The following PTBP3 variants were observed in gnomAD, a reference collection of about 807,000 sequenced individuals.
PTBP3 encodes polypyrimidine tract binding protein 3.
PTBP3 carries 20 observed loss-of-function variants against 58.7 expected under a neutral mutation model. The ratio of observed to expected loss-of-function variants is 0.34; its 90% CI spans 0.24 to 0.50. The LOEUF (loss-of-function observed/expected upper bound fraction) is 0.50, where lower values mean the gene tolerates loss of function less well. PTBP3 is among the 20% of genes least tolerant of loss of function. The probability of loss-of-function intolerance (pLI) is 0.98; values close to 1 mark genes in which losing one functional copy is unlikely to be tolerated. For synonymous variants in PTBP3, 185 were observed against 219.8 expected (o/e 0.84, Z 1.40); for missense variants, 509 against 637.2 (o/e 0.80, Z 2.17).
chr9:112,278,349 C>T (rs968851642), intron 2 of PTBP3, among the ~76,000 whole-genome samples: 5 of 152,146 alleles, frequency 3.3e-5, no homozygotes, highest in Non-Finnish European at 7.3e-5. Flanking sequence ...TTGGCACCCT[C>T]CCTGCAGGCA....
intron 3 of PTBP3, among the ~76,000 whole-genome samples, 164 bp downstream of exon 3, chr9:112,275,680 T>C (rs1404996650): frequency 6.6e-6 from 1 of 152,182 alleles, no homozygotes; most frequent in African/African-American, 2.4e-5. Context: ...TACTACTGTT[T>C]GTTGCTTCCT....
intron 3 of PTBP3, among the ~76,000 whole-genome samples, chr9:112,269,187 ACT>A (rs1236998379): frequency 1.7e-5 from 2 of 118,406 alleles, no homozygotes; most frequent in African/African-American, 3.6e-5. Context: ...ACTGAGCGAA[ACT>A]CTGTCTCAAA....
chr9:112,363,554 A>G, the PTBP3 span, among the ~76,000 whole-genome samples: 2 of 120,840 alleles, frequency 1.7e-5, no homozygotes, highest in Non-Finnish European at 3.4e-5. Context: ...ACACACACAC[A>G]CACACAAAGG....
chr9:112,343,212 A>ATTTT, the PTBP3 span, among the ~76,000 whole-genome samples: 2 of 147,880 alleles, frequency 1.4e-5, no homozygotes, highest in Non-Finnish European at 3.0e-5. Context: ...ACTCTGAACA[A>ATTTT]TTTTTTTTTT....
At chr9:112,359,457 A>T in the PTBP3 span, among the ~76,000 whole-genome samples, 1 of 151,886 alleles carries the variant, frequency 6.6e-6, no homozygotes, top group Non-Finnish European at 1.5e-5. Context: ...AAAAGAAAAA[A>T]AAGTTTTAGA....
the PTBP3 span, among the ~76,000 whole-genome samples, chr9:112,349,914 C>T: frequency 6.9e-6 from 1 of 145,174 alleles, no homozygotes; most frequent in Non-Finnish European, 1.5e-5. Flanking sequence ...TACAGGACAC[C>T]CAGTTGGAAA....
chr9:112,357,881 C>G, the PTBP3 span, among the ~76,000 whole-genome samples: 1 of 151,902 alleles, frequency 6.6e-6, no homozygotes, highest in African/African-American at 2.4e-5. Context: ...TTTTGGTTGA[C>G]AAAACTGGAA....
At chr9:112,295,286 A>G (rs1828628139) in intron 2 of PTBP3, among the ~76,000 whole-genome samples, 1 of 152,142 alleles carries the variant, frequency 6.6e-6, no homozygotes, top group South Asian at 2.1e-4. Context: ...GCTCACATGA[A>G]AAGTCTAAAT....
At chr9:112,324,605 G>A (rs533537143) in intron 1 of PTBP3, among the ~76,000 whole-genome samples, 4 of 151,568 alleles carry the variant, frequency 2.6e-5, no homozygotes, top group African/African-American at 9.7e-5. Context: ...AGCCAAGATC[G>A]CACCACTGCA....
chr9:112,376,171 A>ATATATATATATATATATATATATATATG, the PTBP3 span, among the ~76,000 whole-genome samples: 2 of 143,656 alleles, frequency 1.4e-5, no homozygotes, highest in African/African-American at 5.3e-5. Context: ...ATATATATAT[A>ATATATATATATATATATATATATATATG]TATATATCCT....
chr9:112,235,796 G>C (rs550414160), intron 7 of PTBP3, among the ~76,000 whole-genome samples: 1 of 152,248 alleles, frequency 6.6e-6, no homozygotes, highest in Admixed American at 6.5e-5. Context: ...GATACAGCCT[G>C]GGGGTATAGG....
intron 7 of PTBP3, 112 bp downstream of exon 7, chr9:112,250,817 A>T: frequency 9.2e-7 from 1 of 1,086,160 alleles, no homozygotes; most frequent in Non-Finnish European, 1.2e-6. Flanking sequence ...GCTTTCCTTT[A>T]TAAATCCTGA....
chr9:112,345,330 A>G, the PTBP3 span, among the ~76,000 whole-genome samples: 1 of 127,466 alleles, frequency 7.8e-6, no homozygotes. Flanking sequence ...ACAGAGTAAG[A>G]CCCTCATCTC....
At chr9:112,304,320 T>A (rs1829074430) in intron 1 of PTBP3, among the ~76,000 whole-genome samples, 1 of 152,348 alleles carries the variant, frequency 6.6e-6, no homozygotes, top group East Asian at 1.9e-4. Context: ...CTGTGAACAC[T>A]GTGATGAGAT....
At chr9:112,286,676 C>A (rs2132259233) in intron 2 of PTBP3, among the ~76,000 whole-genome samples, 1 of 152,174 alleles carries the variant, frequency 6.6e-6, no homozygotes, top group South Asian at 2.1e-4. Flanking sequence ...AGTCAATAAT[C>A]CTTTAAATTA....
At chr9:112,229,758 A>G (rs1835129503) in intron 10 of PTBP3, among the ~76,000 whole-genome samples, 1 of 152,104 alleles carries the variant, frequency 6.6e-6, no homozygotes, top group South Asian at 2.1e-4. Flanking sequence ...TTTTGTAGAG[A>G]TGGGGTCTCA....
intron 2 of PTBP3, among the ~76,000 whole-genome samples, chr9:112,283,507 T>C (rs1050308500): frequency 6.6e-6 from 1 of 152,214 alleles, no homozygotes; most frequent in Admixed American, 6.5e-5. Flanking sequence ...TGAACTCAGA[T>C]GATTTAGGGT....
At chr9:112,268,839 T>C (rs1247084477) in intron 3 of PTBP3, among the ~76,000 whole-genome samples, 1 of 152,048 alleles carries the variant, frequency 6.6e-6, no homozygotes, top group Non-Finnish European at 1.5e-5. Flanking sequence ...TGAAAATAAA[T>C]GTGTACATCA....
Position 112,228,561 on chromosome 9 carries a change from T to TCATACTATA in PTBP3, c.1055-90_1055-89insTATAGTATG, listed in dbSNP as rs1835081043. ...CTAATATACTTAAAGAAGGCATTTC[T>TCATACTATA]TACTCTCCCTTGGCAATTCCATACA... On this transcript the variant is annotated intron_variant, in intron 10 of 13. Transcript: ENST00000374257. 20 of 876,632 alleles carry TCATACTATA rather than the reference T, an allele frequency of 2.3e-5. No individual in the cohort carries two copies. The South Asian group carries it at 3.5e-4, about 15-fold the overall frequency. 54.3% of individuals were successfully genotyped at this position (876,632 alleles called of 1,614,324 possible). A position where few individuals can be genotyped will look rare whatever the true frequency, so the allele number is the denominator to read the frequency against.
Sources: gnomAD v4.1 joint callset for allele counts (sites outside exome capture counted in the v4.1 genomes callset) on GRCh38, gnomAD v4.1.1 for gene constraint, MANE v1.5 for transcripts, NCBI Gene and HGNC (gene_info 2026-07-23, HGNC 2026-07-21) for gene names.